MAN1A1: variants seen among roughly 807,000 people sequenced by gnomAD.
The protein encoded by MAN1A1 is mannosidase alpha class 1A member 1, also known as mannosyl-oligosaccharide 1,2-alpha-mannosidase IA.
MAN1A1 carries 29 observed loss-of-function variants against 70.8 expected under a neutral mutation model. The observed-to-expected ratio is 0.41, with a 90% CI of 0.31 to 0.56. The LOEUF is 0.56. MAN1A1 is among the 20% of genes least tolerant of loss of function. The probability of loss-of-function intolerance (pLI) is 0.29; values close to 1 mark genes in which losing one functional copy is unlikely to be tolerated. For missense variants in MAN1A1, 747 were observed against 841.3 expected, an observed-to-expected ratio of 0.89 and a Z score of 1.39; for synonymous variants, 349 against 330.1, an observed-to-expected ratio of 1.06 and a Z score of -0.62.
At chr6:119,234,127 C>T (rs1276761433) in intron 6 of MAN1A1, among the ~76,000 whole-genome samples, 4 of 152,150 alleles carry the variant, frequency 2.6e-5, no homozygotes, top group Non-Finnish European at 4.4e-5. Flanking sequence ...AAACAACACA[C>T]TTGATCTCCC....
At chr6:119,263,463 G>T (rs1292445560) in intron 5 of MAN1A1, among the ~76,000 whole-genome samples, 1 of 152,130 alleles carries the variant, frequency 6.6e-6, no homozygotes, top group African/African-American at 2.4e-5. Context: ...AGTACATATG[G>T]ACACAAAGAA....
chr6:119,201,932 C>G (rs1773722046), intron 7 of MAN1A1, among the ~76,000 whole-genome samples: 1 of 152,016 alleles, frequency 6.6e-6, no homozygotes, highest in African/African-American at 2.4e-5. Context: ...GAATGAAACT[C>G]GCAGGACTGG....
Position 119,349,720 on chromosome 6 carries a change from G to C in MAN1A1, c.-401C>G. 1 of 985,824 alleles carries C rather than the reference G, an allele frequency of 1.0e-6. No individual in the cohort carries two copies. Among genetic ancestry groups the C allele is most frequent in the Non-Finnish European group, 1.2e-6 (1 of 830,092 alleles). The allele number at this position is 985,824 out of a possible 1,614,324, so 61.1% of individuals were successfully genotyped here. ...CCGACCTGCGGGCGAATGGCAGCGAGTAGAGCAGCACGGTACACTCCGCCG... is the reference window on the plus strand; with the variant it reads ...CCGACCTGCGGGCGAATGGCAGCGACTAGAGCAGCACGGTACACTCCGCCG... On this transcript the variant is annotated 5_prime_UTR_variant, in exon 1 of 13. Transcript: ENST00000368468.
intron 6 of MAN1A1, among the ~76,000 whole-genome samples, chr6:119,218,871 C>G (rs1259432188): frequency 6.6e-6 from 1 of 151,344 alleles, no homozygotes; most frequent in Non-Finnish European, 1.5e-5. Flanking sequence ...AAATAATTAT[C>G]TGTTTTTTTT....
chr6:119,302,004 T>C lies in MAN1A1; in HGVS notation c.800A>G (p.Asn267Ser). Reference protein sequence around the residue: ...FEEAKSWVEENLDFNVNAEIS... With the variant: ...FEEAKSWVEESLDFNVNAEIS... ...TTAACTTACCACATTAAAATCTAAATTTTCTTCAACCCATGATTTTGCTTC... is the reference window on the plus strand; with the variant it reads ...TTAACTTACCACATTAAAATCTAAACTTTCTTCAACCCATGATTTTGCTTC... The change falls in exon 4 of 13, where the codon AAT becomes AGT. Residue 267 changes from asparagine (N) to serine (S), a missense_variant. Transcript: ENST00000368468. The C allele has an allele frequency of 1.9e-6, 3 of 1,574,116 alleles. No homozygotes were observed. Among genetic ancestry groups the C allele is most frequent in the Non-Finnish European group, 1.7e-6 (2 of 1,145,762 alleles).
At chr6:119,350,602 CTG>C (rs960437060), upstream of MAN1A1, 4 of 961,582 alleles carry the variant, frequency 4.2e-6, no homozygotes, top group African/African-American at 7.1e-5. Flanking sequence ...AAGTCGAACA[CTG>C]TGTTGAAATT....
chr6:119,313,575 G>C (rs57719294), intron 2 of MAN1A1, among the ~76,000 whole-genome samples: 3 of 151,846 alleles, frequency 2.0e-5, no homozygotes, highest in African/African-American at 7.3e-5. Flanking sequence ...TAGTAGCTAC[G>C]GTTGCGAGGA....
intron 11 of MAN1A1, among the ~76,000 whole-genome samples, chr6:119,186,332 C>T (rs1375461658): frequency 6.6e-6 from 1 of 151,942 alleles, no homozygotes; most frequent in East Asian, 1.9e-4. Context: ...GTTTGCGTTC[C>T]CTTAAAAATA....
chr6:119,297,798 TGTTTTGTTTTG>T (rs775563141), intron 4 of MAN1A1, among the ~76,000 whole-genome samples: 24 of 131,822 alleles, frequency 1.8e-4, no homozygotes, highest in Middle Eastern at 4.0e-3. Context: ...GGAGTTTTTT[TGTTTTGTTTTG>T]TTTTTTAAAT....
chr6:119,241,675 G>T (rs1018070046), intron 6 of MAN1A1, among the ~76,000 whole-genome samples: 2 of 152,086 alleles, frequency 1.3e-5, no homozygotes, highest in African/African-American at 4.8e-5. Flanking sequence ...TAATTAAATT[G>T]ACCATCAGTG....
At chr6:119,283,702 T>C (rs1243166167) in intron 5 of MAN1A1, among the ~76,000 whole-genome samples, 2 of 151,958 alleles carry the variant, frequency 1.3e-5, no homozygotes, top group Admixed American at 6.6e-5. Context: ...GCTTGGTGCG[T>C]TTTTTGGAAG....
chr6:119,254,858 C>G (rs1214936976), intron 5 of MAN1A1, among the ~76,000 whole-genome samples: 8 of 152,070 alleles, frequency 5.3e-5, no homozygotes, highest in Non-Finnish European at 2.9e-5. Flanking sequence ...ATGTAACTAA[C>G]AAATAACTTT....
intron 5 of MAN1A1, among the ~76,000 whole-genome samples, chr6:119,277,852 G>C (rs1242755958): frequency 6.9e-6 from 1 of 145,968 alleles, no homozygotes; most frequent in East Asian, 2.1e-4. Context: ...CGGGAGAATG[G>C]CATGAACCTG....
intron 6 of MAN1A1, among the ~76,000 whole-genome samples, chr6:119,217,315 C>T (rs1351704696): frequency 1.3e-5 from 2 of 150,154 alleles, no homozygotes; most frequent in Non-Finnish European, 2.9e-5. Context: ...TGGAGTATTG[C>T]TCTGTCGCCA....
At chr6:119,254,183 T>C (rs983621003) in intron 5 of MAN1A1, among the ~76,000 whole-genome samples, 1 of 152,218 alleles carries the variant, frequency 6.6e-6, no homozygotes, top group African/African-American at 2.4e-5. Flanking sequence ...ACATATTAGA[T>C]GATGTGCTGA....
At chr6:119,213,827 G>T (rs1774118233) in intron 6 of MAN1A1, among the ~76,000 whole-genome samples, 1 of 151,904 alleles carries the variant, frequency 6.6e-6, no homozygotes, top group Non-Finnish European at 1.5e-5. Context: ...AGAAAACAAG[G>T]TTTATTACTC....
intron 2 of MAN1A1, among the ~76,000 whole-genome samples, chr6:119,347,367 A>G (rs1366726896): frequency 6.6e-6 from 1 of 152,216 alleles, no homozygotes; most frequent in East Asian, 1.9e-4. Context: ...TGAAAATACA[A>G]TATTTATTTT....
At chr6:119,198,693 T>C (rs76583330) in intron 8 of MAN1A1, among the ~76,000 whole-genome samples, 1,831 of 152,282 alleles carry the variant, frequency 0.012, 35 homozygotes, top group African/African-American at 0.042. Flanking sequence ...TTCACATTTT[T>C]GCATATCTCT....
intron 6 of MAN1A1, among the ~76,000 whole-genome samples, chr6:119,221,044 A>AC (rs1383472364): frequency 6.6e-6 from 1 of 152,164 alleles, no homozygotes; most frequent in African/African-American, 2.4e-5. Context: ...ATTTTTTAAT[A>AC]CCCCCGAAGC....
Sources: gnomAD v4.1 joint callset for allele counts (sites outside exome capture counted in the v4.1 genomes callset) on GRCh38, gnomAD v4.1.1 for gene constraint, MANE v1.5 for transcripts, NCBI Gene and HGNC (gene_info 2026-07-23, HGNC 2026-07-21) for gene names.